CTNND2: variants seen among roughly 807,000 people sequenced by gnomAD.
CTNND2 encodes catenin delta-2.
In CTNND2, 22 loss-of-function variants were observed where a neutral mutation model predicts 144.4. That is an observed-to-expected ratio of 0.15 (90% CI 0.11 to 0.22). The LOEUF is 0.22. Among genes scored for constraint, CTNND2 ranks in the 10% least tolerant of loss-of-function variants. The pLI is 1.00. For synonymous variants in CTNND2, 751 were observed against 695.6 expected (o/e 1.08, Z -1.25); for missense variants, 1,353 against 1,618.8 (o/e 0.84, Z 2.82).
intron 10 of CTNND2, among the ~76,000 whole-genome samples, chr5:11,225,773 T>C (rs1410048673): frequency 6.6e-6 from 1 of 152,188 alleles, no homozygotes; most frequent in Non-Finnish European, 1.5e-5. Flanking sequence ...ATAGGTTGAA[T>C]ATCGTCCCCC....
intron 15 of CTNND2, among the ~76,000 whole-genome samples, chr5:11,090,081 C>A (rs907159954): frequency 6.6e-6 from 1 of 152,180 alleles, no homozygotes; most frequent in Non-Finnish European, 1.5e-5. Context: ...TAAAGCCAAA[C>A]AAATCCCTTC....
chr5:11,179,242 G>A (rs1040367469), intron 11 of CTNND2, among the ~76,000 whole-genome samples: 8 of 151,822 alleles, frequency 5.3e-5, no homozygotes, highest in East Asian at 1.9e-4. Flanking sequence ...GCGGTGAACC[G>A]AAATTGCACC....
At chr5:11,085,492 C>A (rs1196392130) in intron 15 of CTNND2, among the ~76,000 whole-genome samples, 1 of 152,162 alleles carries the variant, frequency 6.6e-6, no homozygotes, top group African/African-American at 2.4e-5. Flanking sequence ...AGGATCCCTT[C>A]CTGCAGGTGA....
intron 18 of CTNND2, among the ~76,000 whole-genome samples, chr5:11,014,902 A>G (rs1171193291): frequency 6.6e-6 from 1 of 152,178 alleles, no homozygotes; most frequent in African/African-American, 2.4e-5. Context: ...CTAATTATGC[A>G]AACTCCATAA....
At position 11,250,068 on chromosome 5, in the gene CTNND2, C is replaced by T. The variant is rs549773071; in HGVS notation, c.1629-13245G>A. On this transcript the variant is annotated intron_variant, in intron 9 of 21. Transcript: ENST00000304623. ...TTTGATCATATTTCAGAGTACTTTG[C>T]TATAAAACTTTTAACTTACCTCCAT... 2.6e-5 allele frequency among the ~76,000 whole-genome samples: 4 copies of T among 152,260 alleles called. No individual in the cohort carries two copies. The South Asian group carries it at 8.3e-4, about 32-fold the overall frequency.
intron 9 of CTNND2, among the ~76,000 whole-genome samples, chr5:11,336,921 C>G (rs1369768712): frequency 6.6e-6 from 1 of 152,130 alleles, no homozygotes; most frequent in Admixed American, 6.6e-5. Flanking sequence ...TAGAGGAAGA[C>G]AGTCCCTGAG....
At chr5:11,455,100 T>C (rs1765623220) in intron 3 of CTNND2, among the ~76,000 whole-genome samples, 2 of 151,880 alleles carry the variant, frequency 1.3e-5, no homozygotes, top group Non-Finnish European at 2.9e-5. Context: ...TCTGGGTTTT[T>C]GGTTGTTCCT....
At chr5:11,035,280 A>AT (rs1257721750) in intron 16 of CTNND2, among the ~76,000 whole-genome samples, 1 of 152,094 alleles carries the variant, frequency 6.6e-6, no homozygotes, top group African/African-American at 2.4e-5. Flanking sequence ...GAAGGACTGC[A>AT]TTCTGGGAGC....
At chr5:11,810,699 G>A (rs1181237226) in intron 1 of CTNND2, among the ~76,000 whole-genome samples, 1 of 152,074 alleles carries the variant, frequency 6.6e-6, no homozygotes, top group Non-Finnish European at 1.5e-5. Flanking sequence ...GCAATTACTG[G>A]CATGTGTACA....
At chr5:11,537,601 G>T (rs1223339979) in intron 3 of CTNND2, among the ~76,000 whole-genome samples, 2 of 151,988 alleles carry the variant, frequency 1.3e-5, no homozygotes, top group African/African-American at 2.4e-5. Flanking sequence ...TTTCTACCCT[G>T]CTTTTACATG....
chr5:11,825,397 C>T (rs1037131065), intron 1 of CTNND2, among the ~76,000 whole-genome samples: 12 of 152,196 alleles, frequency 7.9e-5, no homozygotes, highest in Admixed American at 3.3e-4. Flanking sequence ...TAACTCAATA[C>T]AGATTATCTT....
chr5:11,348,437 C>CAAAAAAAAAAAAAAAAAAGA (rs1755010084), intron 8 of CTNND2, among the ~76,000 whole-genome samples: 1 of 114,722 alleles, frequency 8.7e-6, no homozygotes, highest in Non-Finnish European at 1.8e-5. Context: ...AAATCAAGGG[C>CAAAAAAAAAAAAAAAAAAGA]AAAAAAAAAA....
chr5:11,585,232 C>A (rs562484860), intron 2 of CTNND2, among the ~76,000 whole-genome samples: 1 of 152,088 alleles, frequency 6.6e-6, no homozygotes, highest in African/African-American at 2.4e-5. Flanking sequence ...TGCTCCGATG[C>A]AGAGTAAGAA....
At chr5:11,278,693 C>A (rs1244997453) in intron 9 of CTNND2, among the ~76,000 whole-genome samples, 1 of 152,154 alleles carries the variant, frequency 6.6e-6, no homozygotes, top group Non-Finnish European at 1.5e-5. Context: ...CATTGCAATA[C>A]AGATGATAAT....
chr5:11,360,115 A>T (rs1281882187), intron 8 of CTNND2, among the ~76,000 whole-genome samples: 2 of 152,146 alleles, frequency 1.3e-5, no homozygotes, highest in African/African-American at 2.4e-5. Context: ...GGTACCCAAG[A>T]TTTAAATTAG....
chr5:11,566,420 T>C (rs187369703), intron 2 of CTNND2, among the ~76,000 whole-genome samples: 123 of 152,338 alleles, frequency 8.1e-4, no homozygotes, highest in Non-Finnish European at 1.4e-3. Flanking sequence ...ACTGCTTTTT[T>C]TTCTTTCTGG....
intron 1 of CTNND2, among the ~76,000 whole-genome samples, chr5:11,885,868 G>T (rs1736487173): frequency 6.6e-6 from 1 of 152,072 alleles, no homozygotes; most frequent in African/African-American, 2.4e-5. Flanking sequence ...ATCAATAAAA[G>T]AGGAACTTTG....
At chr5:11,632,655 T>C (rs1055882861) in intron 2 of CTNND2, among the ~76,000 whole-genome samples, 2 of 152,086 alleles carry the variant, frequency 1.3e-5, no homozygotes, top group Non-Finnish European at 2.9e-5. Flanking sequence ...TGAAGGAGCC[T>C]AGATGGTAGA....
At chr5:11,287,919 A>C (rs893913690) in intron 9 of CTNND2, among the ~76,000 whole-genome samples, 1 of 152,130 alleles carries the variant, frequency 6.6e-6, no homozygotes, top group Non-Finnish European at 1.5e-5. Context: ...CGAATTACCA[A>C]TTTTCCTCAG....
Sources: gnomAD v4.1 joint callset for allele counts (sites outside exome capture counted in the v4.1 genomes callset) on GRCh38, gnomAD v4.1.1 for gene constraint, MANE v1.5 for transcripts, NCBI Gene and HGNC (gene_info 2026-07-23, HGNC 2026-07-21) for gene names.